CLIP4: variants seen among roughly 807,000 people sequenced by gnomAD.
CLIP4 encodes the protein CAP-Gly domain-containing linker protein 4.
CLIP4 carries 47 observed loss-of-function variants against 73.1 expected under a neutral mutation model. The observed-to-expected ratio is 0.64, with a 90% confidence interval of 0.51 to 0.82. The LOEUF (loss-of-function observed/expected upper bound fraction) is 0.82. Among genes scored for constraint, CLIP4 ranks in the 40% least tolerant of loss-of-function variants. The pLI is 0.00. For synonymous variants in CLIP4, 306 were observed against 295.4 expected (o/e 1.04, Z -0.37); for missense variants, 874 against 852.9 (o/e 1.02, Z -0.31).
chr2:29,156,257 T>G, intron 9 of CLIP4, 97 bp from the exon 10 acceptor site: 58 of 729,984 alleles, frequency 7.9e-5, no homozygotes, highest in Middle Eastern at 3.7e-4. Context: ...CAGAAGTGAG[T>G]GAGATTTCGA....
chr2:29,117,149 G>C (rs114666804), intron 1 of CLIP4, among the ~76,000 whole-genome samples: 1 of 152,140 alleles, frequency 6.6e-6, no homozygotes, highest in East Asian at 1.9e-4. Flanking sequence ...TCTGGAGAGT[G>C]AGCTGCACTG....
At chr2:29,112,986 T>C (rs1668421892), upstream of CLIP4, among the ~76,000 whole-genome samples, 2 of 152,262 alleles carry the variant, frequency 1.3e-5, no homozygotes, top group South Asian at 4.1e-4. Context: ...TCCTGAATGC[T>C]GCTCTATGCA....
chr2:29,167,671 C>G, intron 14 of CLIP4, 131 bp downstream of exon 14: 1 of 584,318 alleles, frequency 1.7e-6, no homozygotes, highest in Non-Finnish European at 2.8e-6. Context: ...AATAATAGAA[C>G]AAACATCTGT....
rs185465469 is a variant in CLIP4 at position 29,144,955 on chromosome 2, A to C, written c.886-277A>C. On this transcript the variant is annotated intron_variant, in intron 7 of 15. Coordinates refer to ENST00000320081, the MANE Select transcript of CLIP4 (RefSeq NM_024692.6). ...GTAGCTGGAACTACAGGTGTGTGCT[A>C]CTATCCAGCTAATTAGGATTCTTAT... Among the ~76,000 whole-genome samples, 748 of 151,860 alleles carry C rather than the reference A, an allele frequency of 4.9e-3. 4 individuals are homozygous for C. The highest frequency in any genetic ancestry group is 0.016 in the African/African-American group (679 of 41,324).
intron 11 of CLIP4, among the ~76,000 whole-genome samples, chr2:29,159,749 A>G (rs1215327881): frequency 6.6e-6 from 1 of 151,960 alleles, no homozygotes; most frequent in Non-Finnish European, 1.5e-5. Flanking sequence ...ACTGAGTCTA[A>G]GTGAACTATT....
chr2:29,100,471 ATTT>A (rs1214783541), intron 1 of CLIP4, among the ~76,000 whole-genome samples: 1 of 152,030 alleles, frequency 6.6e-6, no homozygotes, highest in Non-Finnish European at 1.5e-5. Context: ...AGTGTGATAC[ATTT>A]GTTGCAAATT....
At chr2:29,135,525 A>G (rs759995821) in intron 5 of CLIP4, 23 bp from the exon 6 acceptor site, 2 of 1,531,514 alleles carry the variant, frequency 1.3e-6, no homozygotes, top group African/African-American at 1.4e-5. Context: ...TTTAGTTAAT[A>G]TACTTATGAT....
intron 2 of CLIP4, among the ~76,000 whole-genome samples, chr2:29,124,410 G>A (rs1664459752): frequency 6.6e-6 from 1 of 151,868 alleles, no homozygotes; most frequent in African/African-American, 2.4e-5. Flanking sequence ...TTTATTTTGA[G>A]CAATTTTACT....
chr2:29,150,635 G>A (rs1167085953), intron 8 of CLIP4, among the ~76,000 whole-genome samples: 4 of 123,662 alleles, frequency 3.2e-5, no homozygotes, highest in African/African-American at 1.2e-4. Context: ...TAATTTTTTT[G>A]ATTTGCTCTT....
intron 1 of CLIP4, among the ~76,000 whole-genome samples, chr2:29,108,155 C>T (rs116241913): frequency 0.023 from 3,549 of 152,228 alleles, 114 homozygotes; most frequent in East Asian, 0.091. Context: ...TATGTATTTT[C>T]CTAAACTTGC....
At chr2:29,157,790 C>T (rs979727162) in intron 11 of CLIP4, among the ~76,000 whole-genome samples, 1 of 152,160 alleles carries the variant, frequency 6.6e-6, no homozygotes, top group African/African-American at 2.4e-5. Flanking sequence ...TCACTCAGTC[C>T]ACATTTCTTC....
chr2:29,135,657 T>G lies in CLIP4; in HGVS notation c.639T>G (p.Pro213=), dbSNP rs762445192. 1.2e-6 allele frequency: 2 copies of G among 1,601,980 alleles called. No homozygotes were observed. The highest frequency in any genetic ancestry group is 4.5e-5 in the East Asian group (2 of 44,532). The change falls in exon 6 of 16, where the codon CCT becomes CCG. Residue 213 remains proline, a synonymous_variant. Transcript: ENST00000320081. The part of the protein sequence containing the change: ...VKCLLEQGAN[P]AFRNDKGQIP... ...GCCTCTTGGAGCAGGGAGCAAATCC[T>G]GCATTTAGGGTAAGAGGTTAAATTA... is the stretch of plus-strand genomic sequence containing the variant.
intron 1 of CLIP4, 108 bp from the exon 2 acceptor site, chr2:29,121,266 A>G (rs570733217): frequency 2.4e-5 from 26 of 1,101,286 alleles, no homozygotes; most frequent in Admixed American, 5.6e-5. Context: ...CTTACTGAAA[A>G]TGTCAGCAGA....
chr2:29,167,482 A>C lies in CLIP4; in HGVS notation c.1665A>C (p.Thr555=). 7 of 1,606,808 alleles carry C rather than the reference A, an allele frequency of 4.4e-6. No homozygotes were observed. Among genetic ancestry groups the C allele is most frequent in the Non-Finnish European group, 5.1e-6 (6 of 1,176,428 alleles). The stretch of plus-strand genomic sequence containing the variant: ...TCCTTTGTTTTATTCATAGAGTAAC[A>C]GATTCCCTGGATACCCTTTCAGAAA... ...FAPPSRVQRV[T]DSLDTLSEIS... The change falls in exon 14 of 16, where the codon ACA becomes ACC. Residue 555 remains threonine, a synonymous_variant. Transcript: ENST00000320081.
chr2:29,142,536 A>G (rs1320837785), intron 6 of CLIP4, among the ~76,000 whole-genome samples: 1 of 151,988 alleles, frequency 6.6e-6, no homozygotes, highest in Non-Finnish European at 1.5e-5. Context: ...TCTTTATTGT[A>G]TTTTGTATGT....
At chr2:29,132,049 G>A (rs1665006495) in intron 3 of CLIP4, 103 bp from the exon 4 acceptor site, 3 of 767,642 alleles carry the variant, frequency 3.9e-6, no homozygotes, top group Middle Eastern at 3.1e-4. Context: ...TTACTGAGAA[G>A]TAATTCAGAT....
At chr2:29,133,909 TC>T (rs1230462982) in intron 5 of CLIP4, 93 bp downstream of exon 5, 5 of 1,157,528 alleles carry the variant, frequency 4.3e-6, no homozygotes, top group East Asian at 2.5e-5. Context: ...TTCCTTCTAA[TC>T]CATCTTGTTT....
In CLIP4 at chr2:29,152,811, C is replaced by A. The variant is rs777824531; in HGVS notation, c.1148C>A (p.Thr383Lys). ...RSQKIDVAHV[T>K]SKVNTGLMTS... Reference sequence around the variant, plus strand: ...CAGAAAATTGACGTAGCTCATGTGACGTCAAAAGTAAATACTGGTAGGTCA... The same window carrying A: ...CAGAAAATTGACGTAGCTCATGTGAAGTCAAAAGTAAATACTGGTAGGTCA... Residue 383 changes from threonine to lysine, a missense_variant, in exon 9 of 16, where the codon ACG (threonine) becomes AAG (lysine). Coordinates refer to ENST00000320081, the MANE Select transcript of CLIP4 (RefSeq NM_024692.6). The A allele has an allele frequency of 4.3e-6, 7 of 1,613,386 alleles. 1 individual carries two copies. The South Asian group carries it at 7.7e-5, about 18-fold the overall frequency.
chr2:29,181,550 C>T (rs750204870), intron 15 of CLIP4, 22 bp from the exon 16 acceptor site: 4 of 1,529,008 alleles, frequency 2.6e-6, no homozygotes, highest in Non-Finnish European at 3.5e-6. Context: ...AATAATTTTT[C>T]CCACTTTTCC....
Sources: gnomAD v4.1 joint callset for allele counts (sites outside exome capture counted in the v4.1 genomes callset) on GRCh38, gnomAD v4.1.1 for gene constraint, MANE v1.5 for transcripts, NCBI Gene and HGNC (gene_info 2026-07-23, HGNC 2026-07-21) for gene names.